The following EPHB1 variants were observed in gnomAD, a reference collection of about 807,000 sequenced individuals.
EPHB1 encodes EPH receptor B1.
In EPHB1, 30 loss-of-function variants were observed where a neutral mutation model predicts 94.4. That is an observed-to-expected ratio of 0.32 (90% CI 0.24 to 0.43). The LOEUF is 0.43. Ranked by LOEUF, EPHB1 falls within the 20% of genes least tolerant of loss-of-function variation. The pLI is 1.00. For missense variants in EPHB1, 1,055 were observed against 1,308.3 expected (o/e 0.81, Z 2.99); for synonymous variants, 522 against 489.1 (o/e 1.07, Z -0.89).
chr3:135,155,369 G>A (rs1941319459), intron 6 of EPHB1, among the ~76,000 whole-genome samples: 1 of 152,060 alleles, frequency 6.6e-6, no homozygotes, highest in Non-Finnish European at 1.5e-5. Flanking sequence ...AAGGGCAACA[G>A]CCTATGCAAA....
intron 1 of EPHB1, among the ~76,000 whole-genome samples, chr3:134,887,989 G>A (rs888898354): frequency 6.6e-6 from 1 of 152,216 alleles, no homozygotes; most frequent in Non-Finnish European, 1.5e-5. Context: ...TTTACAAGTG[G>A]CTTTGTACTA....
At chr3:135,145,815 C>CCCAGA (rs1559850236) in intron 5 of EPHB1, among the ~76,000 whole-genome samples, 3 of 152,104 alleles carry the variant, frequency 2.0e-5, no homozygotes, top group African/African-American at 7.2e-5. Context: ...TCAACCCTGC[C>CCCAGA]GAGTCACAAC....
chr3:134,861,549 G>C (rs1012388845), intron 1 of EPHB1, among the ~76,000 whole-genome samples: 6 of 152,202 alleles, frequency 3.9e-5, no homozygotes, highest in Admixed American at 1.3e-4. Context: ...AGTCATGCCA[G>C]CTTCCAGAAA....
chr3:134,797,143 T>C (rs1347965410), intron 1 of EPHB1, among the ~76,000 whole-genome samples: 1 of 152,078 alleles, frequency 6.6e-6, no homozygotes, highest in African/African-American at 2.4e-5. Context: ...TTTCCGAAGG[T>C]GGCTTTTTGT....
intron 1 of EPHB1, among the ~76,000 whole-genome samples, chr3:134,918,519 T>A (rs570940642): frequency 6.6e-5 from 10 of 152,336 alleles, no homozygotes; most frequent in African/African-American, 2.4e-4. Context: ...ATAGTAATAA[T>A]TAGGAAGCCC....
At chr3:134,957,840 G>A (rs1190600936) in intron 3 of EPHB1, among the ~76,000 whole-genome samples, 1 of 152,154 alleles carries the variant, frequency 6.6e-6, no homozygotes, top group African/African-American at 2.4e-5. Context: ...GACTTTAACT[G>A]GGAATCTGTG....
chr3:135,043,790 G>A (rs369657083), intron 3 of EPHB1, among the ~76,000 whole-genome samples: 7 of 152,136 alleles, frequency 4.6e-5, no homozygotes, highest in African/African-American at 1.4e-4. Context: ...TCTTTCCCAC[G>A]TTAGTGCTTG....
intron 3 of EPHB1, among the ~76,000 whole-genome samples, chr3:134,992,985 CAGCCCTG>C (rs147460304): frequency 0.034 from 5,238 of 152,240 alleles, 285 homozygotes; most frequent in African/African-American, 0.12. Flanking sequence ...CCAGCTCCAC[CAGCCCTG>C]GCCCATCCTC....
At chr3:135,008,077 C>G (rs889965722) in intron 3 of EPHB1, among the ~76,000 whole-genome samples, 1 of 152,126 alleles carries the variant, frequency 6.6e-6, no homozygotes, top group Non-Finnish European at 1.5e-5. Context: ...AACAGGAAAG[C>G]TACTATTGGC....
At chr3:134,883,149 T>G (rs1249851785) in intron 1 of EPHB1, among the ~76,000 whole-genome samples, 1 of 152,170 alleles carries the variant, frequency 6.6e-6, no homozygotes, top group Non-Finnish European at 1.5e-5. Context: ...TAGGATTGAA[T>G]GGGAATATGA....
At chr3:135,211,678 C>A (rs1049224717) in intron 12 of EPHB1, among the ~76,000 whole-genome samples, 8 of 152,092 alleles carry the variant, frequency 5.3e-5, no homozygotes, top group Admixed American at 2.0e-4. Context: ...TCATTGTTCT[C>A]CTACATATAT....
At chr3:135,063,211 A>C (rs1391450955) in intron 3 of EPHB1, among the ~76,000 whole-genome samples, 1 of 152,128 alleles carries the variant, frequency 6.6e-6, no homozygotes, top group Non-Finnish European at 1.5e-5. Context: ...TGTTTTTTCT[A>C]ATTCTGTGAA....
intron 1 of EPHB1, among the ~76,000 whole-genome samples, chr3:134,914,890 G>A (rs2038533783): frequency 6.6e-6 from 1 of 152,100 alleles, no homozygotes; most frequent in Non-Finnish European, 1.5e-5. Flanking sequence ...CAGCAGGCAG[G>A]AGCATCTCAC....
intron 3 of EPHB1, among the ~76,000 whole-genome samples, chr3:134,991,683 C>T (rs186306210): frequency 2.0e-5 from 3 of 152,252 alleles, no homozygotes; most frequent in African/African-American, 7.2e-5. Flanking sequence ...CTACTGAGGG[C>T]CTGCTCTTTG....
At chr3:135,192,222 T>C (rs1301249025) in intron 10 of EPHB1, among the ~76,000 whole-genome samples, 1 of 146,058 alleles carries the variant, frequency 6.8e-6, no homozygotes, top group Non-Finnish European at 1.5e-5. Flanking sequence ...TAAAAATGAA[T>C]CATGATCCTG....
At chr3:135,141,354 AG>A (rs1940821026) in intron 5 of EPHB1, among the ~76,000 whole-genome samples, 1 of 152,006 alleles carries the variant, frequency 6.6e-6, no homozygotes. Context: ...TTATGTGCTT[AG>A]GCTCTATTTC....
chr3:134,799,618 T>C (rs887221794), intron 1 of EPHB1, among the ~76,000 whole-genome samples: 1 of 152,158 alleles, frequency 6.6e-6, no homozygotes, highest in Non-Finnish European at 1.5e-5. Context: ...CCTTCTGGGT[T>C]AGTAGAAGAG....
At chr3:135,003,757 T>C (rs1277688053) in intron 3 of EPHB1, among the ~76,000 whole-genome samples, 1 of 152,012 alleles carries the variant, frequency 6.6e-6, no homozygotes, top group African/African-American at 2.4e-5. Flanking sequence ...TTAAAGTCTG[T>C]TTTATCAGAG....
chr3:134,797,412 C>T (rs949444366), intron 1 of EPHB1, among the ~76,000 whole-genome samples: 5 of 152,230 alleles, frequency 3.3e-5, no homozygotes, highest in African/African-American at 1.2e-4. Context: ...CAATTCCAGA[C>T]TGGACTTGCA....
Sources: allele counts gnomAD v4.1 joint callset (sites outside exome capture counted in the v4.1 genomes callset), GRCh38; gene constraint gnomAD v4.1.1; transcripts MANE v1.5; gene names NCBI Gene and HGNC (gene_info 2026-07-23, HGNC 2026-07-21).